The following PMVK variants were observed in gnomAD, a reference collection of about 807,000 sequenced individuals.
The protein encoded by PMVK is testis tissue sperm-binding protein Li 95mP.
PMVK carries 10 observed loss-of-function variants against 19.0 expected under a neutral mutation model. That is an observed-to-expected ratio of 0.53 (90% CI 0.32 to 0.89). PMVK has a LOEUF of 0.89. Among genes scored for constraint, PMVK ranks in the 40% least tolerant of loss-of-function variants. PMVK has a pLI of 0.03. For synonymous variants in PMVK, 108 were observed against 101.6 expected (o/e 1.06, Z -0.38); for missense variants, 222 against 251.1 (o/e 0.88, Z 0.78).
At chr1:154,934,370 G>A (rs1229306436) in intron 1 of PMVK, among the ~76,000 whole-genome samples, 3 of 152,162 alleles carry the variant, frequency 2.0e-5, no homozygotes, top group Non-Finnish European at 2.9e-5. Flanking sequence ...AGGCTAGAGT[G>A]CAGTGGTATG....
chr1:154,933,302 G>T (rs181334629), intron 1 of PMVK, among the ~76,000 whole-genome samples: 387 of 151,240 alleles, frequency 2.6e-3, no homozygotes, highest in Middle Eastern at 0.021. Context: ...ACATGATGGC[G>T]CATGCCTGTA....
At chr1:154,927,321 G>A (rs1341544361) in intron 3 of PMVK, among the ~76,000 whole-genome samples, 2 of 151,888 alleles carry the variant, frequency 1.3e-5, no homozygotes, top group Admixed American at 6.6e-5. Context: ...GATGGCACAT[G>A]CCTGTAATCC....
chr1:154,935,089 T>G lies in PMVK; in HGVS notation c.95+1502A>C, dbSNP rs144917585. 5.1e-3 allele frequency among the ~76,000 whole-genome samples: 630 copies of G among 124,094 alleles called. 7 individuals carry two copies. The highest frequency in any genetic ancestry group is 0.018 in the African/African-American group (593 of 32,816). The allele number at this position is 124,094 out of a possible 152,430, so 81.4% of individuals were successfully genotyped here. On this transcript the variant is annotated intron_variant, in intron 1 of 4. Transcript: ENST00000368467. ...AAAAAAAAAAAAAAAAAAAAAAACA[T>G]GAGGCACAGAGTGAATGACAGATGT...
chr1:154,935,311 AT>A (rs1454135893), intron 1 of PMVK, among the ~76,000 whole-genome samples: 1 of 152,054 alleles, frequency 6.6e-6, no homozygotes, highest in Non-Finnish European at 1.5e-5. Context: ...CCACACCTTC[AT>A]AGAACCCCCG....
At chr1:154,925,890 G>C (rs1654142899) in intron 4 of PMVK, among the ~76,000 whole-genome samples, 1 of 152,230 alleles carries the variant, frequency 6.6e-6, no homozygotes, top group South Asian at 2.1e-4. Context: ...CATTGGATCT[G>C]AACTGCTGCT....
chr1:154,930,707 C>T (rs776712706), intron 2 of PMVK, among the ~76,000 whole-genome samples: 19 of 151,934 alleles, frequency 1.3e-4, no homozygotes, highest in Non-Finnish European at 2.6e-4. Context: ...CACCCCACCA[C>T]CCTGCAGCAT....
chr1:154,932,052 T>C (rs1654352047), intron 2 of PMVK, among the ~76,000 whole-genome samples: 1 of 152,072 alleles, frequency 6.6e-6, no homozygotes, highest in Non-Finnish European at 1.5e-5. Context: ...GAGAGGGTGG[T>C]GTGAGGAGGC....
At chr1:154,933,517 G>A (rs1345594614) in intron 1 of PMVK, among the ~76,000 whole-genome samples, 9 of 123,806 alleles carry the variant, frequency 7.3e-5, no homozygotes, top group Admixed American at 2.7e-4. Flanking sequence ...TTTTTGAGAC[G>A]GAGTCTTGCT....
At position 154,936,621 on chromosome 1, in the gene PMVK, T is replaced by A. The variant is rs376079469; in HGVS notation, c.65A>T (p.Lys22Met). ...CTGCAGCGCCTCGGTCACGAAGTCC[T>A]TCCCGGATTTCCTCTTGCCGCTGAA... ...LLFSGKRKSG[K>M]DFVTEALQSR... Residue 22 changes from lysine to methionine, a missense_variant, in exon 1 of 5, where the codon AAG (lysine) becomes ATG (methionine). Coordinates refer to ENST00000368467, the MANE Select transcript of PMVK (RefSeq NM_006556.4). The A allele has an allele frequency of 6.2e-7, 1 of 1,609,062 alleles. No homozygotes were observed.
intron 3 of PMVK, 90 bp from the exon 4 acceptor site, chr1:154,926,573 G>T: frequency 8.6e-7 from 1 of 1,163,126 alleles, no homozygotes; most frequent in Non-Finnish European, 1.2e-6. Flanking sequence ...GGCAGTGTGG[G>T]GTGTGGCTCT....
At chr1:154,928,980 C>T (rs182310477) in intron 3 of PMVK, 44 bp downstream of exon 3, 657 of 1,581,762 alleles carry the variant, frequency 4.2e-4, no homozygotes, top group Non-Finnish European at 5.4e-4. Context: ...CAGCGAAGAG[C>T]TAGGGAAACA....
intron 2 of PMVK, among the ~76,000 whole-genome samples, chr1:154,930,906 G>A (rs1311271723): frequency 6.6e-6 from 1 of 151,958 alleles, no homozygotes; most frequent in African/African-American, 2.4e-5. Flanking sequence ...GCAACATAAT[G>A]AGACTCCCAT....
intron 3 of PMVK, among the ~76,000 whole-genome samples, chr1:154,928,744 C>T (rs1268137387): frequency 6.6e-6 from 1 of 151,394 alleles, no homozygotes; most frequent in Admixed American, 6.6e-5. Context: ...TGCACTCCAG[C>T]CCAGGCGACA....
chr1:154,936,254 G>T, intron 1 of PMVK: 1 of 318,858 alleles, frequency 3.1e-6, no homozygotes, highest in Non-Finnish European at 4.5e-6. Context: ...GCTACTTTTT[G>T]GATTTTTCGT....
At chr1:154,928,709 T>A (rs1346789313) in intron 3 of PMVK, among the ~76,000 whole-genome samples, 3 of 151,610 alleles carry the variant, frequency 2.0e-5, no homozygotes, top group Admixed American at 6.6e-5. Context: ...GAGGCAGAGG[T>A]TGCAGTGAGC....
At chr1:154,934,032 C>T (rs1654426350) in intron 1 of PMVK, among the ~76,000 whole-genome samples, 1 of 152,228 alleles carries the variant, frequency 6.6e-6, no homozygotes, top group Admixed American at 6.5e-5. Context: ...CTGAGTCTCA[C>T]TCTGTAGCCC....
At chr1:154,934,427 G>A (rs887617000) in intron 1 of PMVK, among the ~76,000 whole-genome samples, 2 of 151,964 alleles carry the variant, frequency 1.3e-5, no homozygotes, top group Non-Finnish European at 2.9e-5. Context: ...GGCAATCCTC[G>A]CACCTCAGCC....
chr1:154,927,463 A>AC (rs1654200334), intron 3 of PMVK, among the ~76,000 whole-genome samples: 1 of 150,006 alleles, frequency 6.7e-6, no homozygotes, highest in Non-Finnish European at 1.5e-5. Flanking sequence ...AAAAAAAAAA[A>AC]AAAAAAAAAA....
chr1:154,942,510 G>A, the PMVK span, among the ~76,000 whole-genome samples: 1 of 152,230 alleles, frequency 6.6e-6, no homozygotes, highest in Non-Finnish European at 1.5e-5. Context: ...GCCTCCCAGG[G>A]GCATCCCAGA....
Sources: allele counts gnomAD v4.1 joint callset (sites outside exome capture counted in the v4.1 genomes callset), GRCh38; gene constraint gnomAD v4.1.1; transcripts MANE v1.5; gene names NCBI Gene and HGNC (gene_info 2026-07-23, HGNC 2026-07-21).